THBS4: variants seen among roughly 807,000 people sequenced by gnomAD.
THBS4 encodes the protein thrombospondin-4.
In THBS4, 90 loss-of-function variants were observed where a neutral mutation model predicts 115.7. That is an observed-to-expected ratio of 0.78 (90% CI 0.66 to 0.93). The LOEUF (loss-of-function observed/expected upper bound fraction) is 0.93. Ranked by LOEUF, THBS4 falls within the 40% of genes least tolerant of loss-of-function variation. The pLI is 0.00. For synonymous variants in THBS4, 460 were observed against 479.3 expected, an observed-to-expected ratio of 0.96 and a Z score of 0.53; for missense variants, 1,087 against 1,232.7, an observed-to-expected ratio of 0.88 and a Z score of 1.77.
chr5:80,012,218 A>G (rs1009409187), intron 2 of THBS4, among the ~76,000 whole-genome samples: 7 of 152,210 alleles, frequency 4.6e-5, no homozygotes, highest in Non-Finnish European at 1.0e-4. Flanking sequence ...TTCTTTCTGA[A>G]CAAAATAGCC....
At chr5:80,000,010 T>C (rs1431369177) in intron 2 of THBS4, among the ~76,000 whole-genome samples, 1 of 152,206 alleles carries the variant, frequency 6.6e-6, no homozygotes, top group African/African-American at 2.4e-5. Flanking sequence ...CTTCCCCTAT[T>C]CATCAAGGTG....
chr5:80,028,159 G>A (rs2111999427), intron 2 of THBS4, among the ~76,000 whole-genome samples: 1 of 151,750 alleles, frequency 6.6e-6, no homozygotes, highest in East Asian at 1.9e-4. Flanking sequence ...AGACCAGCCT[G>A]GGCAACACAG....
chr5:79,997,768 A>C (rs1440556844), intron 1 of THBS4, among the ~76,000 whole-genome samples: 2 of 152,298 alleles, frequency 1.3e-5, no homozygotes, highest in East Asian at 3.9e-4. Context: ...AAACCTCAAC[A>C]AAAGTTTTTA....
intron 1 of THBS4, among the ~76,000 whole-genome samples, chr5:79,997,183 T>C (rs1318992923): frequency 6.6e-6 from 1 of 152,060 alleles, no homozygotes; most frequent in Non-Finnish European, 1.5e-5. Flanking sequence ...AATCCTAAAA[T>C]ACCAAGACTT....
upstream of THBS4, among the ~76,000 whole-genome samples, chr5:80,034,906 G>A (rs560873901): frequency 6.6e-6 from 1 of 152,266 alleles, no homozygotes; most frequent in African/African-American, 2.4e-5. Flanking sequence ...GGATTCATTC[G>A]CAAGGGAACC....
chr5:80,082,962 C>T (rs1743596648), intron 21 of THBS4, 118 bp from the exon 22 acceptor site: 3 of 587,496 alleles, frequency 5.1e-6, no homozygotes, highest in Non-Finnish European at 7.6e-6. Context: ...CGAGGGCCTG[C>T]GGGGCGTCCT....
At chr5:80,049,406 C>T (rs1017932687) in intron 2 of THBS4, among the ~76,000 whole-genome samples, 8 of 152,086 alleles carry the variant, frequency 5.3e-5, no homozygotes, top group African/African-American at 1.9e-4. Context: ...CGCCACCACG[C>T]CCACCTAATT....
chr5:80,030,092 C>A (rs1238368140), intron 2 of THBS4, among the ~76,000 whole-genome samples: 1 of 152,196 alleles, frequency 6.6e-6, no homozygotes, highest in African/African-American at 2.4e-5. Context: ...CACTTAAGCA[C>A]CTTCCTTTAT....
intron 20 of THBS4, among the ~76,000 whole-genome samples, chr5:80,080,582 T>TTTTTTTTTTTTTTTTTTTTTG: frequency 1.0e-5 from 1 of 97,286 alleles, no homozygotes; most frequent in African/African-American, 4.4e-5. Context: ...CTTGTATCTT[T>TTTTTTTTTTTTTTTTTTTTTG]TTTTTTTTTT....
Position 80,080,038 on chromosome 5 carries a change from G to T in THBS4, c.2645G>T (p.Arg882Leu). Residue 882 changes from arginine to leucine, a missense_variant, in exon 20 of 22, where the codon CGC (arginine) becomes CTC (leucine). Physicochemically the swap from Arg to Leu is moderately radical, Grantham distance 102. Coordinates refer to ENST00000350881, the MANE Select transcript of THBS4 (RefSeq NM_003248.6). ...NVGWKDKVSY[R>L]WFLQHRPQVG... ...GGCTGGAAGGACAAGGTGTCCTACC[G>T]CTGGTTCCTACAGCACAGGCCCCAG... 7 of 1,614,072 alleles carry T rather than the reference G, an allele frequency of 4.3e-6. No individual in the cohort carries two copies. Among genetic ancestry groups the T allele is most frequent in the Non-Finnish European group, 5.9e-6 (7 of 1,179,986 alleles).
intron 2 of THBS4, among the ~76,000 whole-genome samples, chr5:80,051,471 C>G (rs1274859681): frequency 6.6e-6 from 1 of 152,146 alleles, no homozygotes; most frequent in Non-Finnish European, 1.5e-5. Context: ...TTTCTGCTAA[C>G]AAACAGACAT....
At chr5:80,078,999 A>G (rs1242697365) in intron 18 of THBS4, 30 bp downstream of exon 18, 15 of 1,613,734 alleles carry the variant, frequency 9.3e-6, no homozygotes, top group East Asian at 4.5e-5. Flanking sequence ...TGCCACTCAC[A>G]TAGAATTCTT....
At chr5:80,039,761 G>A (rs1189910900) in intron 1 of THBS4, among the ~76,000 whole-genome samples, 1 of 152,162 alleles carries the variant, frequency 6.6e-6, no homozygotes, top group Admixed American at 6.5e-5. Context: ...TAAGCCTTTA[G>A]TGCTTTTCCT....
chr5:79,993,278 T>C (rs1831724764), intron 1 of THBS4, among the ~76,000 whole-genome samples: 1 of 152,242 alleles, frequency 6.6e-6, no homozygotes, highest in African/African-American at 2.4e-5. Flanking sequence ...GCATAGATAA[T>C]AGCAATCTTT....
intron 7 of THBS4, among the ~76,000 whole-genome samples, chr5:80,060,762 CAAAAA>C (rs368527960): frequency 6.6e-6 from 1 of 150,772 alleles, no homozygotes; most frequent in Admixed American, 6.6e-5. Context: ...AAAAAACAAA[CAAAAA>C]AAAACATGGT....
chr5:80,041,143 C>G (rs898736736), intron 2 of THBS4, among the ~76,000 whole-genome samples: 1 of 152,174 alleles, frequency 6.6e-6, no homozygotes, highest in Non-Finnish European at 1.5e-5. Flanking sequence ...CATATCCAAA[C>G]CATACCACCC....
At chr5:80,017,164 G>A (rs1832268241) in intron 2 of THBS4, among the ~76,000 whole-genome samples, 2 of 152,214 alleles carry the variant, frequency 1.3e-5, no homozygotes, top group South Asian at 4.2e-4. Context: ...GTTCAAGCTG[G>A]GCTTCCTGGT....
intron 2 of THBS4, among the ~76,000 whole-genome samples, chr5:80,015,717 A>G (rs1832232944): frequency 6.6e-6 from 1 of 152,160 alleles, no homozygotes; most frequent in South Asian, 2.1e-4. Flanking sequence ...CTCCCAAGGC[A>G]AGTGTTCCTT....
intron 2 of THBS4, among the ~76,000 whole-genome samples, chr5:80,048,414 A>G (rs1226773676): frequency 6.6e-6 from 1 of 152,166 alleles, no homozygotes; most frequent in African/African-American, 2.4e-5. Context: ...TTATAATGCT[A>G]ATATTTTGTC....
Sources: allele counts gnomAD v4.1 joint callset (sites outside exome capture counted in the v4.1 genomes callset), GRCh38; gene constraint gnomAD v4.1.1; transcripts MANE v1.5; gene names NCBI Gene and HGNC (gene_info 2026-07-23, HGNC 2026-07-21).